The following CFAP47 variants were observed in gnomAD, a reference collection of about 807,000 sequenced individuals.
CFAP47 encodes cilia and flagella associated protein 47, also known as cilia- and flagella-associated protein 47.
In CFAP47, 29 loss-of-function variants were observed where a neutral mutation model predicts 148.1. The ratio of observed to expected loss-of-function variants is 0.20; its 90% confidence interval spans 0.15 to 0.27. CFAP47 has a LOEUF of 0.27. CFAP47 is among the 10% of genes least tolerant of loss of function. The pLI is 1.00. For missense variants in CFAP47, 1,872 were observed against 1,697.5 expected, an observed-to-expected ratio of 1.10 and a Z score of -1.81; for synonymous variants, 664 against 577.3, an observed-to-expected ratio of 1.15 and a Z score of -2.15.
At chrX:36,296,586 G>T (rs1941244448) in intron 51 of CFAP47, among the ~76,000 whole-genome samples, 1 of 112,418 alleles carries the variant, frequency 8.9e-6, no homozygotes. Context: ...ACAAATTATT[G>T]TGGGTTGTGG....
chrX:36,222,825 CA>C (rs1208059497), intron 45 of CFAP47, among the ~76,000 whole-genome samples: 6 of 110,866 alleles, frequency 5.4e-5, no homozygotes, highest in Non-Finnish European at 1.1e-4. Flanking sequence ...ATAATATAAC[CA>C]AAATGGGAAA....
chrX:35,928,174 G>A (rs1935774732), intron 2 of CFAP47, among the ~76,000 whole-genome samples: 1 of 110,212 alleles, frequency 9.1e-6, no homozygotes, highest in Admixed American at 9.8e-5. Context: ...GCTCATGAGT[G>A]TAATTGTAGG....
intron 48 of CFAP47, among the ~76,000 whole-genome samples, chrX:36,246,905 C>G (rs1018965364): frequency 4.5e-5 from 5 of 110,841 alleles, no homozygotes; most frequent in Non-Finnish European, 9.5e-5. Context: ...ACCATTCAAC[C>G]CAGCAATTTC....
At position 36,184,864 on chromosome X, in the gene CFAP47, C is replaced by T. The variant is rs782309345; in HGVS notation, c.6105-3756C>T. Among the ~76,000 whole-genome samples the T allele has an allele frequency of 2.6e-4, 28 of 107,149 alleles. No homozygotes were observed. In the South Asian group the frequency reaches 7.6e-3, roughly 29 times the overall value. 93.0% of individuals were successfully genotyped at this position (107,149 alleles called of 115,157 possible). On this transcript the variant is annotated intron_variant, in intron 40 of 63. Coordinates refer to ENST00000378653, the MANE Select transcript of CFAP47 (RefSeq NM_001304548.2). Reference sequence around the variant, plus strand: ...AGGAGAATCACTTGGACCTGGGAGGCGGAGGTTGCAGTGGGCCACGATTGT... The same window carrying T: ...AGGAGAATCACTTGGACCTGGGAGGTGGAGGTTGCAGTGGGCCACGATTGT...
intron 33 of CFAP47, among the ~76,000 whole-genome samples, chrX:36,117,674 T>C (rs1000914415): frequency 9.0e-5 from 10 of 111,703 alleles, no homozygotes; most frequent in Non-Finnish European, 1.9e-4. Flanking sequence ...TTTTCAAACA[T>C]TTTCTCTCAT....
chrX:36,328,246 T>A (rs1941533736), intron 57 of CFAP47, among the ~76,000 whole-genome samples: 1 of 111,885 alleles, frequency 8.9e-6, no homozygotes, highest in African/African-American at 3.2e-5. Context: ...TAAATAAAAA[T>A]TTAACAAAAC....
At chrX:36,266,719 C>T (rs976159622) in intron 49 of CFAP47, among the ~76,000 whole-genome samples, 7 of 110,869 alleles carry the variant, frequency 6.3e-5, no homozygotes, top group Non-Finnish European at 1.1e-4. Flanking sequence ...CCGGCAGGAA[C>T]TCTGGGAGGG....
chrX:35,929,689 T>C (rs1193133705), intron 2 of CFAP47, among the ~76,000 whole-genome samples: 1 of 110,630 alleles, frequency 9.0e-6, no homozygotes, highest in African/African-American at 3.4e-5. Flanking sequence ...GGCTATAACT[T>C]TCAGTATTAT....
chrX:36,269,122 T>G (rs1452239258), intron 49 of CFAP47, among the ~76,000 whole-genome samples: 1 of 112,094 alleles, frequency 8.9e-6, no homozygotes, highest in African/African-American at 3.2e-5. Context: ...TGTTATTGCA[T>G]GGATAAGGAG....
At chrX:36,246,346 C>A (rs973949813) in intron 48 of CFAP47, among the ~76,000 whole-genome samples, 7 of 111,527 alleles carry the variant, frequency 6.3e-5, no homozygotes, top group Non-Finnish European at 1.3e-4. Flanking sequence ...AAACACAAAC[C>A]AAAACCAAAA....
intron 31 of CFAP47, among the ~76,000 whole-genome samples, 175 bp downstream of exon 31, chrX:36,099,049 TG>T (rs1232897702): frequency 8.9e-6 from 1 of 111,785 alleles, no homozygotes; most frequent in Admixed American, 9.5e-5. Flanking sequence ...AAAATCTCTA[TG>T]GAGTTCCTAT....
chrX:36,236,937 T>C (rs1569296465), intron 48 of CFAP47, 78 bp downstream of exon 48: 5 of 419,263 alleles, frequency 1.2e-5, no homozygotes, highest in Admixed American at 9.7e-5. Context: ...TTACAAACAA[T>C]TTTTTAAACA....
intron 33 of CFAP47, among the ~76,000 whole-genome samples, chrX:36,113,976 A>AT (rs957265614): frequency 3.7e-5 from 4 of 108,489 alleles, no homozygotes; most frequent in Admixed American, 9.9e-5. Flanking sequence ...TGCCCAGCTA[A>AT]TTTTTTTGTA....
In CFAP47 at chrX:36,336,244, GACACACACACACACACACACAC is replaced by G. The variant is rs781925226; in HGVS notation, c.8444-11850_8444-11829del. 2.3e-4 allele frequency among the ~76,000 whole-genome samples: 15 copies of G among 65,711 alleles called. No homozygotes were observed. The East Asian group carries it at 5.4e-3, about 24-fold the overall frequency. 57.1% of individuals were successfully genotyped at this position (65,711 alleles called of 115,157 possible). On this transcript the variant is annotated intron_variant, in intron 57 of 63. Coordinates refer to ENST00000378653, the MANE Select transcript of CFAP47 (RefSeq NM_001304548.2). ...TCTCTCTCTCTGTCACAGACACACA[GACACACACACACACACACACAC>G]ACACACACACACACACACACACACA...
At position 36,097,907 on chromosome X, in the gene CFAP47, G is replaced by A. The variant is rs769156848; in HGVS notation, c.4917-886G>A. Among the ~76,000 whole-genome samples the A allele has an allele frequency of 5.4e-5, 6 of 111,446 alleles. No homozygotes were observed. The South Asian group carries it at 2.2e-3, about 41-fold the overall frequency. On this transcript the variant is annotated intron_variant, in intron 30 of 63. Coordinates refer to ENST00000378653, the MANE Select transcript of CFAP47 (RefSeq NM_001304548.2). Reference sequence around the variant, plus strand: ...ATCTTTTGAATAAACTCTTTTCCCCGGCTCTTTCTCTACCTCCTCTGTAAG... The same window carrying A: ...ATCTTTTGAATAAACTCTTTTCCCCAGCTCTTTCTCTACCTCCTCTGTAAG...
chrX:36,035,250 C>T, intron 23 of CFAP47, among the ~76,000 whole-genome samples: 1 of 111,828 alleles, frequency 8.9e-6, no homozygotes, highest in South Asian at 3.7e-4. Context: ...ACAATTCTTA[C>T]TCTTTAGCCT....
At chrX:35,920,191 C>G in intron 1 of CFAP47, 143 bp downstream of exon 1, 6 of 626,500 alleles carry the variant, frequency 9.6e-6, no homozygotes, top group Non-Finnish European at 1.4e-5. Context: ...TGACAGGTTT[C>G]TGTGTGTGTG....
intron 8 of CFAP47, among the ~76,000 whole-genome samples, chrX:35,963,075 C>T (rs1385928189): frequency 9.1e-6 from 1 of 109,645 alleles, no homozygotes; most frequent in Non-Finnish European, 1.9e-5. Context: ...ATAAGACATA[C>T]TCAGAAAGAC....
At chrX:35,963,288 T>C (rs931425508) in intron 8 of CFAP47, among the ~76,000 whole-genome samples, 1 of 110,143 alleles carries the variant, frequency 9.1e-6, no homozygotes, top group Non-Finnish European at 1.9e-5. Context: ...GGTATAAATA[T>C]TTTCAACACA....
Sources: allele counts gnomAD v4.1 joint callset (sites outside exome capture counted in the v4.1 genomes callset), GRCh38; gene constraint gnomAD v4.1.1; transcripts MANE v1.5; gene names NCBI Gene and HGNC (gene_info 2026-07-23, HGNC 2026-07-21).